Variants in RGS17 observed in about 807,000 individuals in gnomAD.
RGS17 encodes regulator of G protein signaling 17.
RGS17 carries 12 observed loss-of-function variants against 25.5 expected under a neutral mutation model. The ratio of observed to expected loss-of-function variants is 0.47; its 90% CI spans 0.30 to 0.76. The LOEUF is 0.76. RGS17 is among the 30% of genes least tolerant of loss of function. The pLI is 0.07. For missense variants in RGS17, 196 were observed against 242.2 expected (o/e 0.81, Z 1.27); for synonymous variants, 71 against 76.9 (o/e 0.92, Z 0.40).
chr6:153,027,317 A>G (rs1245442328), intron 2 of RGS17, among the ~76,000 whole-genome samples: 1 of 152,104 alleles, frequency 6.6e-6, no homozygotes, highest in Non-Finnish European at 1.5e-5. Context: ...ATTGCTCCCT[A>G]AAGCTGAGCA....
chr6:153,077,646 T>C (rs1435018630), intron 1 of RGS17, among the ~76,000 whole-genome samples: 4 of 152,188 alleles, frequency 2.6e-5, no homozygotes, highest in Admixed American at 6.5e-5. Context: ...TATATCTTTC[T>C]GTATGTTTTA....
intron 1 of RGS17, among the ~76,000 whole-genome samples, chr6:153,047,208 C>T (rs541610256): frequency 6.6e-6 from 1 of 152,056 alleles, no homozygotes; most frequent in African/African-American, 2.4e-5. Flanking sequence ...CTACTTCAGT[C>T]AGAAGAAAAC....
intron 1 of RGS17, among the ~76,000 whole-genome samples, chr6:153,121,020 G>A (rs1371490890): frequency 3.3e-5 from 5 of 151,192 alleles, no homozygotes; most frequent in Non-Finnish European, 7.4e-5. Context: ...TTTACATATA[G>A]GTCTTATCTC....
At position 153,049,351 on chromosome 6, in the gene RGS17, T is replaced by C. The variant is rs115108535; in HGVS notation, c.-25-5308A>G. Among the ~76,000 whole-genome samples the C allele has an allele frequency of 4.4e-3, 676 of 152,270 alleles. 13 individuals carry two copies. The highest frequency in any genetic ancestry group is 0.015 in the African/African-American group (641 of 41,556). ...TAACAAAAATTGTATAAGAACTCTA[T>C]AGAAATATTACGAAACTTTATCAAA... On this transcript the variant is annotated intron_variant, in intron 1 of 4. Coordinates refer to ENST00000206262, the MANE Select transcript of RGS17 (RefSeq NM_012419.5).
At chr6:153,122,992 T>C (rs538380879) in intron 1 of RGS17, among the ~76,000 whole-genome samples, 42 of 106,300 alleles carry the variant, frequency 4.0e-4, no homozygotes, top group South Asian at 2.6e-3. Flanking sequence ...TTGGAGTACA[T>C]TGGAGTACAT....
chr6:153,107,585 T>C (rs1777404639), intron 1 of RGS17, among the ~76,000 whole-genome samples: 2 of 152,122 alleles, frequency 1.3e-5, no homozygotes, highest in African/African-American at 4.8e-5. Context: ...AAAGCCTATA[T>C]TATATTATCT....
chr6:153,038,154 G>C (rs1158988274), intron 2 of RGS17, among the ~76,000 whole-genome samples: 1 of 152,148 alleles, frequency 6.6e-6, no homozygotes, highest in Non-Finnish European at 1.5e-5. Context: ...TGGGGTATCT[G>C]GGGTCAGCAG....
Position 153,131,272 on chromosome 6 carries a change from A to G in RGS17, c.-174T>C, listed in dbSNP as rs1248051717. On this transcript the variant is annotated 5_prime_UTR_variant, in exon 1 of 5. Coordinates refer to ENST00000206262, the MANE Select transcript of RGS17 (RefSeq NM_012419.5). ...GAGAGGGAGAGCGGCGAGGATGCAG[A>G]GGAGGGGGAGGGGGAGGAGGGAGCG... The G allele has an allele frequency of 3.2e-5, 2 of 61,680 alleles. No homozygotes were observed. The highest frequency in any genetic ancestry group is 6.6e-5 in the Non-Finnish European group (2 of 30,176). 3.8% of individuals were successfully genotyped at this position (61,680 alleles called of 1,614,324 possible).
intron 1 of RGS17, among the ~76,000 whole-genome samples, chr6:153,099,525 T>C (rs1021326868): frequency 6.6e-6 from 1 of 152,242 alleles, no homozygotes; most frequent in Non-Finnish European, 1.5e-5. Flanking sequence ...AAAAAATTGC[T>C]GTATCTGTCC....
chr6:153,111,536 T>C (rs1777469227), intron 1 of RGS17, among the ~76,000 whole-genome samples: 1 of 152,210 alleles, frequency 6.6e-6, no homozygotes, highest in South Asian at 2.1e-4. Flanking sequence ...TAAATGTTCC[T>C]GCCTGCCAGC....
chr6:153,007,594 AATTATT>A lies in RGS17; in HGVS notation c.*3974_*3979del, dbSNP rs917628017. 1 of 151,464 alleles carries A rather than the reference AATTATT, an allele frequency of 6.6e-6. No homozygotes were observed. Among genetic ancestry groups the A allele is most frequent in the Non-Finnish European group, 1.5e-5 (1 of 67,868 alleles). The allele number at this position is 151,464 out of a possible 1,614,324, so 9.4% of individuals were successfully genotyped here. A position where few individuals can be genotyped will look rare whatever the true frequency, so the allele number is the denominator to read the frequency against. ...TAAGACTTAAAAATATTATTATTAT[AATTATT>A]ATTATTATTTTGAGATGGAGTCACT... On this transcript the variant is annotated 3_prime_UTR_variant, in exon 5 of 5. Transcript: ENST00000206262.
In RGS17 at chr6:153,011,218, A is replaced by G. The variant is rs376857604; in HGVS notation, c.*356T>C. On this transcript the variant is annotated 3_prime_UTR_variant, in exon 5 of 5. Transcript: ENST00000206262. Reference sequence around the variant, plus strand: ...CTTAAATACAGATATAAGTTATGCTACTGGATTAAATATTACAACAACTAT... The same window carrying G: ...CTTAAATACAGATATAAGTTATGCTGCTGGATTAAATATTACAACAACTAT... The G allele has an allele frequency of 1.7e-5, 3 of 176,334 alleles. No individual in the cohort carries two copies. Among genetic ancestry groups the G allele is most frequent in the South Asian group, 3.1e-4 (2 of 6,352 alleles). The allele number at this position is 176,334 out of a possible 1,614,324, so 10.9% of individuals were successfully genotyped here. A position where few individuals can be genotyped will look rare whatever the true frequency, so the allele number is the denominator to read the frequency against.
At chr6:153,020,316 G>A (rs1172776853) in intron 4 of RGS17, among the ~76,000 whole-genome samples, 2 of 150,322 alleles carry the variant, frequency 1.3e-5, no homozygotes, top group African/African-American at 4.9e-5. Flanking sequence ...ACCACGCCCG[G>A]CTAATTTTTT....
chr6:153,032,296 T>G (rs1776160107), intron 2 of RGS17, among the ~76,000 whole-genome samples: 1 of 152,140 alleles, frequency 6.6e-6, no homozygotes, highest in South Asian at 2.1e-4. Context: ...GGTTAGAAAT[T>G]TGTGTCTGGA....
intron 1 of RGS17, among the ~76,000 whole-genome samples, chr6:153,081,675 C>A (rs1776983168): frequency 6.6e-6 from 1 of 151,830 alleles, no homozygotes; most frequent in African/African-American, 2.4e-5. Context: ...TTTTACATGC[C>A]CCCAGTTCCC....
chr6:153,073,673 G>A (rs901229145), intron 1 of RGS17, among the ~76,000 whole-genome samples: 1 of 152,100 alleles, frequency 6.6e-6, no homozygotes, highest in Non-Finnish European at 1.5e-5. Flanking sequence ...CACCAAAGCT[G>A]TGAATATAGG....
At position 153,102,182 on chromosome 6, in the gene RGS17, G is replaced by T. The variant is rs554149551; in HGVS notation, c.-26+28942C>A. Among the ~76,000 whole-genome samples, 12 of 152,322 alleles carry T rather than the reference G, an allele frequency of 7.9e-5. No individual in the cohort carries two copies. In the South Asian group the frequency reaches 2.5e-3, roughly 32 times the overall value. ...GGACCCCAGCTGATGCTCTGAGAGA[G>T]TCTGATGGGACACCAGCAAGGAGGA... On this transcript the variant is annotated intron_variant, in intron 1 of 4. Coordinates refer to ENST00000206262, the MANE Select transcript of RGS17 (RefSeq NM_012419.5).
intron 1 of RGS17, among the ~76,000 whole-genome samples, chr6:153,083,445 AT>A (rs1251637263): frequency 2.0e-5 from 3 of 152,086 alleles, no homozygotes. Flanking sequence ...GGAGACAAAC[AT>A]TTTCTAATTT....
Position 153,079,079 on chromosome 6 carries a change from TA to T in RGS17, c.-25-35037del, listed in dbSNP as rs550576544. Among the ~76,000 whole-genome samples the T allele has an allele frequency of 4.5e-4, 53 of 116,630 alleles. No homozygotes were observed. The South Asian group carries it at 5.7e-3, about 12-fold the overall frequency. 76.5% of individuals were successfully genotyped at this position (116,630 alleles called of 152,430 possible). On this transcript the variant is annotated intron_variant, in intron 1 of 4. Transcript: ENST00000206262. Reference sequence around the variant, plus strand: ...CTAAAACAATGTTGAAAAGAAGTGATAAATTTTTTTTTTTTTTGAGATAGAG... The same window carrying T: ...CTAAAACAATGTTGAAAAGAAGTGATAATTTTTTTTTTTTTTGAGATAGAG...
Sources: allele counts gnomAD v4.1 joint callset (sites outside exome capture counted in the v4.1 genomes callset), GRCh38; gene constraint gnomAD v4.1.1; transcripts MANE v1.5; gene names NCBI Gene and HGNC (gene_info 2026-07-23, HGNC 2026-07-21).